MAGI1: variants seen among roughly 807,000 people sequenced by gnomAD.
MAGI1 encodes membrane associated guanylate kinase, WW and PDZ domain containing 1.
Under a neutral mutation model 139.9 loss-of-function variants are expected in MAGI1, and 58 were observed. That is an observed-to-expected ratio of 0.41 (90% confidence interval 0.34 to 0.52). The LOEUF is 0.52. Among genes scored for constraint, MAGI1 ranks in the 20% least tolerant of loss-of-function variants. The pLI is 0.12. For synonymous variants in MAGI1, 812 were observed against 737.9 expected, an observed-to-expected ratio of 1.10 and a Z score of -1.63; for missense variants, 1,874 against 1,901.6, an observed-to-expected ratio of 0.99 and a Z score of 0.27.
At chr3:65,825,010 C>A (rs932270911) in intron 1 of MAGI1, among the ~76,000 whole-genome samples, 1 of 152,090 alleles carries the variant, frequency 6.6e-6, no homozygotes, top group Non-Finnish European at 1.5e-5. Context: ...AAATGGCTTA[C>A]GGTAAAACAC....
intron 1 of MAGI1, among the ~76,000 whole-genome samples, chr3:65,669,394 G>A (rs932658413): frequency 6.6e-6 from 1 of 152,148 alleles, no homozygotes; most frequent in Non-Finnish European, 1.5e-5. Context: ...GGACTCTTTG[G>A]TCAAGTTTTC....
chr3:65,691,307 A>AAAAAAAAAG (rs1553692071), intron 1 of MAGI1, among the ~76,000 whole-genome samples: 1 of 133,658 alleles, frequency 7.5e-6, no homozygotes, highest in African/African-American at 2.6e-5. Flanking sequence ...CGTCTCAAAA[A>AAAAAAAAAG]AAAAAAAAGA....
At chr3:65,512,664 A>G (rs1223633915) in intron 2 of MAGI1, among the ~76,000 whole-genome samples, 1 of 151,530 alleles carries the variant, frequency 6.6e-6, no homozygotes, top group Admixed American at 6.6e-5. Flanking sequence ...GCAATAATCA[A>G]TAGTTTACCA....
intron 13 of MAGI1, among the ~76,000 whole-genome samples, chr3:65,399,872 G>A (rs1405565620): frequency 6.6e-6 from 1 of 152,144 alleles, no homozygotes; most frequent in Non-Finnish European, 1.5e-5. Context: ...AATGCAAAAT[G>A]GAAAAGAACA....
At chr3:65,521,115 G>T (rs569134797) in intron 2 of MAGI1, among the ~76,000 whole-genome samples, 1 of 152,268 alleles carries the variant, frequency 6.6e-6, no homozygotes, top group Admixed American at 6.5e-5. Context: ...ACAGACAGTG[G>T]AAGGCACTTC....
chr3:66,017,747 A>G (rs2067732582), intron 1 of MAGI1, among the ~76,000 whole-genome samples: 1 of 152,168 alleles, frequency 6.6e-6, no homozygotes, highest in Non-Finnish European at 1.5e-5. Flanking sequence ...TATCATCCGT[A>G]TAGGTCTACT....
At chr3:65,362,967 C>T (rs1297069233) in intron 21 of MAGI1, among the ~76,000 whole-genome samples, 1 of 152,214 alleles carries the variant, frequency 6.6e-6, no homozygotes, top group African/African-American at 2.4e-5. Context: ...ATTCATGCCA[C>T]AGAGCCCTGG....
Position 65,670,342 on chromosome 3 carries a change from A to G in MAGI1, c.314-48254T>C, listed in dbSNP as rs1280727256. 5.9e-5 allele frequency among the ~76,000 whole-genome samples: 7 copies of G among 119,394 alleles called. No homozygotes were observed. The East Asian group carries it at 1.4e-3, about 24-fold the overall frequency. The allele number at this position is 119,394 out of a possible 152,430, so 78.3% of individuals were successfully genotyped here. A position where few individuals can be genotyped will look rare whatever the true frequency, so the allele number is the denominator to read the frequency against. ...TACACACATATATAACACATATGCC[A>G]TGTGTGTATATATATATATACACAT... On this transcript the variant is annotated intron_variant, in intron 1 of 22. Transcript: ENST00000402939.
rs2083701228 is a variant in MAGI1, at chr3:65,622,073, T to G, written c.329A>C (p.Lys110Thr). Residue 110 changes from lysine to threonine, a missense_variant, in exon 2 of 23, where the codon AAG becomes ACG. By Grantham distance (78) the Lys-to-Thr change is moderately conservative (BLOSUM62 -1). Coordinates refer to ENST00000402939, the MANE Select transcript of MAGI1 (RefSeq NM_001033057.2). ...KAVRQGGRLNKDLRHFLNQRF... is the reference protein window; with the variant it reads ...KAVRQGGRLNTDLRHFLNQRF... ...CTGATTGAGAAAATGTCGCAGGTCCTTGTTCAGCCTTCCTCCTGCAGGAAA... is the reference window on the plus strand; with the variant it reads ...CTGATTGAGAAAATGTCGCAGGTCCGTGTTCAGCCTTCCTCCTGCAGGAAA... 1 of 1,612,900 alleles carries G rather than the reference T, an allele frequency of 6.2e-7. No individual in the cohort carries two copies. The highest frequency in any genetic ancestry group is 1.1e-5 in the South Asian group (1 of 91,062).
chr3:65,861,143 C>A (rs2059542957), intron 1 of MAGI1, among the ~76,000 whole-genome samples: 1 of 152,150 alleles, frequency 6.6e-6, no homozygotes, highest in African/African-American at 2.4e-5. Flanking sequence ...GAAAGCAAGC[C>A]CCCCTCGCTC....
At chr3:65,432,498 A>T (rs546870326) in intron 10 of MAGI1, among the ~76,000 whole-genome samples, 1 of 152,302 alleles carries the variant, frequency 6.6e-6, no homozygotes, top group Admixed American at 6.5e-5. Context: ...GGCTCTTGCA[A>T]AGAAGGCTCT....
intron 1 of MAGI1, among the ~76,000 whole-genome samples, chr3:65,671,606 G>A (rs1035376924): frequency 6.6e-6 from 1 of 152,178 alleles, no homozygotes; most frequent in Non-Finnish European, 1.5e-5. Flanking sequence ...CACTGATTCA[G>A]AGAATCAGAG....
At chr3:65,945,081 T>A (rs2063490668) in intron 1 of MAGI1, among the ~76,000 whole-genome samples, 1 of 152,102 alleles carries the variant, frequency 6.6e-6, no homozygotes, top group Non-Finnish European at 1.5e-5. Flanking sequence ...AGGGCAAGAG[T>A]GCTCAAATCT....
rs570081598 is a variant in MAGI1 at position 65,542,643 on chromosome 3, A to G, written c.431-49012T>C. ...CCTTCGACAAACCTGACAAAAACACACAATGGGGAAAGGACTCCCTATTTA... is the reference window on the plus strand; with the variant it reads ...CCTTCGACAAACCTGACAAAAACACGCAATGGGGAAAGGACTCCCTATTTA... On this transcript the variant is annotated intron_variant, in intron 2 of 22. Coordinates refer to ENST00000402939, the MANE Select transcript of MAGI1 (RefSeq NM_001033057.2). Among the ~76,000 whole-genome samples, 61 of 152,210 alleles carry G rather than the reference A, an allele frequency of 4.0e-4. No individual in the cohort carries two copies. The East Asian group carries it at 8.7e-3, about 22-fold the overall frequency.
chr3:66,010,694 T>C (rs1277331703), intron 1 of MAGI1, among the ~76,000 whole-genome samples: 1 of 152,214 alleles, frequency 6.6e-6, no homozygotes, highest in Non-Finnish European at 1.5e-5. Flanking sequence ...AATCTAACTT[T>C]CTTTTCAGAA....
At chr3:65,721,616 C>T (rs1186209983) in intron 1 of MAGI1, among the ~76,000 whole-genome samples, 1 of 152,104 alleles carries the variant, frequency 6.6e-6, no homozygotes, top group East Asian at 1.9e-4. Flanking sequence ...GAATCATAAT[C>T]CCTTGAGGCA....
intron 5 of MAGI1, among the ~76,000 whole-genome samples, chr3:65,466,191 C>T (rs967045818): frequency 4.6e-5 from 7 of 152,182 alleles, no homozygotes; most frequent in South Asian, 4.1e-4. Flanking sequence ...ATGATGGCTG[C>T]GTTAAAATCT....
chr3:65,657,798 A>C (rs6794189), intron 1 of MAGI1, among the ~76,000 whole-genome samples: 30,197 of 152,128 alleles, frequency 0.2, 3,526 homozygotes, highest in Non-Finnish European at 0.27. Flanking sequence ...GATGACCCCC[A>C]GTGAAGTGAT....
chr3:65,478,256 C>G (rs905107700), intron 4 of MAGI1, among the ~76,000 whole-genome samples: 5 of 151,834 alleles, frequency 3.3e-5, no homozygotes, highest in African/African-American at 4.8e-5. Flanking sequence ...AGTTACCCCC[C>G]CCAAAAAAAA....
Sources: allele counts gnomAD v4.1 joint callset (sites outside exome capture counted in the v4.1 genomes callset), GRCh38; gene constraint gnomAD v4.1.1; transcripts MANE v1.5; gene names NCBI Gene and HGNC (gene_info 2026-07-23, HGNC 2026-07-21).